Variants in UBXN2B observed in about 807,000 individuals in gnomAD.
UBXN2B encodes UBX domain protein 2B.
In UBXN2B, 19 loss-of-function variants were observed where a neutral mutation model predicts 37.5. That is an observed-to-expected ratio of 0.51 (90% confidence interval 0.35 to 0.74). The LOEUF (loss-of-function observed/expected upper bound fraction) is 0.74, where lower values mean the gene tolerates loss of function less well. UBXN2B is among the 30% of genes least tolerant of loss of function. The probability of loss-of-function intolerance (pLI) is 0.01; values close to 1 mark genes in which losing one functional copy is unlikely to be tolerated. For synonymous variants in UBXN2B, 145 were observed against 143.8 expected (o/e 1.01, Z -0.06); for missense variants, 370 against 393.2 (o/e 0.94, Z 0.50).
intron 6 of UBXN2B, among the ~76,000 whole-genome samples, chr8:58,442,532 T>C (rs1246835923): frequency 2.6e-5 from 4 of 152,224 alleles, no homozygotes; most frequent in African/African-American, 9.6e-5. Flanking sequence ...ACACACAGAA[T>C]GTTACATAGA....
At chr8:58,425,789 A>G in intron 2 of UBXN2B, 3 of 1,174,390 alleles carry the variant, frequency 2.6e-6, no homozygotes, top group Admixed American at 1.7e-5. Flanking sequence ...ATGTTCCACA[A>G]GATCTGTCAA....
intron 2 of UBXN2B, chr8:58,425,130 C>T (rs1808046299): frequency 1.2e-6 from 1 of 818,130 alleles, no homozygotes; most frequent in African/African-American, 1.7e-5. Context: ...ATTGCCAGAC[C>T]ATTCTCTCCA....
In UBXN2B at chr8:58,417,607, A is replaced by T. The variant is rs16923447; in HGVS notation, c.188+654A>T. ...GCTGTGAGTTTTCTTGTTGCCAGGAATATTTTCATTAACATCTTTTTAGTA... is the reference window on the plus strand; with the variant it reads ...GCTGTGAGTTTTCTTGTTGCCAGGATTATTTTCATTAACATCTTTTTAGTA... On this transcript the variant is annotated intron_variant, in intron 2 of 7. Transcript: ENST00000399598. Among the ~76,000 whole-genome samples the T allele has an allele frequency of 2.3e-3, 345 of 152,208 alleles. 2 individuals carry two copies. Among genetic ancestry groups the T allele is most frequent in the East Asian group, 9.1e-3 (47 of 5,178 alleles).
At chr8:58,428,233 G>A (rs1410479530) in intron 2 of UBXN2B, among the ~76,000 whole-genome samples, 1 of 152,052 alleles carries the variant, frequency 6.6e-6, no homozygotes, top group African/African-American at 2.4e-5. Flanking sequence ...TTAAGGTTTG[G>A]GTAATCATCA....
intron 2 of UBXN2B, among the ~76,000 whole-genome samples, chr8:58,423,086 AT>A (rs1317114291): frequency 1.5e-5 from 2 of 134,330 alleles, no homozygotes; most frequent in African/African-American, 5.6e-5. Flanking sequence ...CGAAATCATC[AT>A]CATCATCATC....
At chr8:58,412,498 G>A (rs963041497) in intron 1 of UBXN2B, among the ~76,000 whole-genome samples, 5 of 152,334 alleles carry the variant, frequency 3.3e-5, no homozygotes, top group African/African-American at 9.6e-5. Context: ...TGCATAAAGC[G>A]AAGAATTTGG....
chr8:58,422,898 A>G (rs572189749), intron 2 of UBXN2B, among the ~76,000 whole-genome samples: 86 of 152,336 alleles, frequency 5.6e-4, no homozygotes, highest in Admixed American at 8.5e-4. Context: ...CAAGGTCACT[A>G]GCAACTTCTG....
intron 2 of UBXN2B, among the ~76,000 whole-genome samples, chr8:58,420,907 G>C (rs938407623): frequency 1.3e-5 from 2 of 152,176 alleles, no homozygotes; most frequent in African/African-American, 4.8e-5. Flanking sequence ...TACAGATCCT[G>C]ACAAAGGCAT....
In UBXN2B at chr8:58,432,604, G is replaced by A. The variant is rs777395330; in HGVS notation, c.340-556G>A. Reference sequence around the variant, plus strand: ...TCACCATGTTAGCCAGGGTGGTCTCGATCTCCTGACCTCGTGATCCGCCTG... The same window carrying A: ...TCACCATGTTAGCCAGGGTGGTCTCAATCTCCTGACCTCGTGATCCGCCTG... On this transcript the variant is annotated intron_variant, in intron 3 of 7. Coordinates refer to ENST00000399598, the MANE Select transcript of UBXN2B (RefSeq NM_001077619.2). Among the ~76,000 whole-genome samples the A allele has an allele frequency of 2.6e-5, 4 of 151,834 alleles. 1 individual carries two copies. Among genetic ancestry groups the A allele is most frequent in the East Asian group, 1.9e-4 (1 of 5,166 alleles).
chr8:58,429,776 A>G (rs955166780), intron 2 of UBXN2B, among the ~76,000 whole-genome samples: 7 of 152,180 alleles, frequency 4.6e-5, no homozygotes, highest in Non-Finnish European at 1.0e-4. Context: ...TAACAACTGA[A>G]GTTTGATTGT....
chr8:58,420,560 T>A (rs1807900328), intron 2 of UBXN2B, among the ~76,000 whole-genome samples: 1 of 152,252 alleles, frequency 6.6e-6, no homozygotes, highest in Admixed American at 6.5e-5. Context: ...CTTCATATAC[T>A]GCAGGAAAAT....
rs928432922 is a variant in UBXN2B, at chr8:58,411,413, G to A, written c.28G>A (p.Gly10Ser). Residue 10 changes from glycine to serine, a missense_variant, in exon 1 of 8, where the codon GGC (glycine) becomes AGC (serine). By Grantham distance (56) the Gly-to-Ser change is moderately conservative. This residue lies in a region of UBXN2B where 197 missense variants were observed against 170.2 expected (regional missense o/e 1.16). Coordinates refer to ENST00000399598, the MANE Select transcript of UBXN2B (RefSeq NM_001077619.2). The part of the protein sequence containing the change: MAEGGGPEP[G>S]EQERRSSGPR... ...GGCGGAGGGCGGAGGCCCTGAGCCCGGCGAGCAGGAGAGGAGGTCTTCCGG... is the reference window on the plus strand; with the variant it reads ...GGCGGAGGGCGGAGGCCCTGAGCCCAGCGAGCAGGAGAGGAGGTCTTCCGG... The A allele has an allele frequency of 1.6e-6, 2 of 1,270,594 alleles. No homozygotes were observed. Among genetic ancestry groups the A allele is most frequent in the South Asian group, 2.8e-5 (1 of 35,240 alleles). 78.7% of individuals were successfully genotyped at this position (1,270,594 alleles called of 1,614,324 possible). A position where few individuals can be genotyped will look rare whatever the true frequency, so the allele number is the denominator to read the frequency against.
intron 2 of UBXN2B, among the ~76,000 whole-genome samples, chr8:58,417,429 T>G (rs1413086463): frequency 6.6e-6 from 1 of 152,190 alleles, no homozygotes; most frequent in Admixed American, 6.5e-5. Flanking sequence ...CATTTAAGAA[T>G]CTATGATTTT....
intron 2 of UBXN2B, chr8:58,424,684 AG>A: frequency 1.0e-6 from 1 of 1,003,652 alleles, no homozygotes; most frequent in Non-Finnish European, 1.5e-6. Flanking sequence ...TTGGAGTACA[AG>A]GCGGGGGGGG....
chr8:58,435,200 T>C, intron 5 of UBXN2B: 1 of 1,215,310 alleles, frequency 8.2e-7, no homozygotes, highest in Admixed American at 3.5e-5. Flanking sequence ...GGATCAGAGT[T>C]TTACTGTATA....
chr8:58,426,816 C>T lies in UBXN2B; in HGVS notation c.189-3703C>T, dbSNP rs572986048. The T allele has an allele frequency of 1.0e-4, 61 of 585,232 alleles. 1 individual carries two copies. Among genetic ancestry groups the T allele is most frequent in the South Asian group, 8.7e-4 (57 of 65,550 alleles). The allele number at this position is 585,232 out of a possible 1,614,324, so 36.3% of individuals were successfully genotyped here. ...CGGGGCGGAGCCAGCCGACTGTGCA[C>T]AGACCCCCCTCCAGGCCTGGGGATC... On this transcript the variant is annotated intron_variant, in intron 2 of 7. Transcript: ENST00000399598.
intron 5 of UBXN2B, 80 bp from the exon 6 acceptor site, chr8:58,439,553 G>A: frequency 6.8e-7 from 1 of 1,479,986 alleles, no homozygotes; most frequent in South Asian, 1.5e-5. Context: ...TGTAGCTCAT[G>A]AAATAATTAC....
intron 2 of UBXN2B, among the ~76,000 whole-genome samples, chr8:58,428,160 C>T (rs944251549): frequency 6.6e-6 from 1 of 152,058 alleles, no homozygotes; most frequent in African/African-American, 2.4e-5. Flanking sequence ...ACAATGGGAG[C>T]AAAAATCTTA....
At chr8:58,416,059 G>GAAA (rs1267290818) in intron 1 of UBXN2B, among the ~76,000 whole-genome samples, 1 of 138,870 alleles carries the variant, frequency 7.2e-6, no homozygotes. Flanking sequence ...GGTTTTTTTT[G>GAAA]AAAAAAACAA....
Sources: allele counts gnomAD v4.1 joint callset (sites outside exome capture counted in the v4.1 genomes callset), GRCh38; gene constraint gnomAD v4.1.1; regional missense constraint gnomAD v4.1.1; transcripts MANE v1.5; gene names NCBI Gene and HGNC (gene_info 2026-07-23, HGNC 2026-07-21).